DYNC1I1: variants seen among roughly 807,000 people sequenced by gnomAD.
DYNC1I1 encodes cytoplasmic dynein 1 intermediate chain 1.
In DYNC1I1, 43 loss-of-function variants were observed where a neutral mutation model predicts 86.6. The ratio of observed to expected loss-of-function variants is 0.50; its 90% CI spans 0.39 to 0.64. DYNC1I1 has a LOEUF of 0.64. Among genes scored for constraint, DYNC1I1 ranks in the 30% least tolerant of loss-of-function variants. The pLI is 0.00. For missense variants in DYNC1I1, 604 were observed against 788.8 expected (o/e 0.77, Z 2.81); for synonymous variants, 262 against 283.7 (o/e 0.92, Z 0.77).
At chr7:96,088,343 A>G (rs1377817327) in intron 16 of DYNC1I1, among the ~76,000 whole-genome samples, 1 of 152,184 alleles carries the variant, frequency 6.6e-6, no homozygotes, top group Non-Finnish European at 1.5e-5. Flanking sequence ...AATGAAGTTC[A>G]TATATTCTCA....
At chr7:96,028,464 G>C (rs1794734423) in intron 11 of DYNC1I1, 143 bp downstream of exon 11, 2 of 1,172,738 alleles carry the variant, frequency 1.7e-6, no homozygotes, top group African/African-American at 3.1e-5. Flanking sequence ...CCAGCTAAAA[G>C]TTGAGTGAAA....
rs148041080 is a variant in DYNC1I1, at chr7:96,031,960, G to A, written c.1117-707G>A. 1.0e-3 allele frequency among the ~76,000 whole-genome samples: 156 copies of A among 152,270 alleles called. 2 individuals carry two copies. Among genetic ancestry groups the A allele is most frequent in the African/African-American group, 3.4e-3 (142 of 41,570 alleles). ...ATGACAGAGGGTTACAACATCTTGT[G>A]TATGGTTCCTGGGATGTATAAATGA... is the stretch of plus-strand genomic sequence containing the variant. On this transcript the variant is annotated intron_variant, in intron 11 of 16. Transcript: ENST00000447467.
intron 10 of DYNC1I1, among the ~76,000 whole-genome samples, chr7:96,017,727 A>G (rs1794437543): frequency 1.3e-5 from 2 of 152,166 alleles, no homozygotes; most frequent in African/African-American, 4.8e-5. Context: ...ACTTTTCATA[A>G]TAATAAATAA....
At chr7:95,928,639 A>G (rs1410355572) in intron 6 of DYNC1I1, among the ~76,000 whole-genome samples, 1 of 152,146 alleles carries the variant, frequency 6.6e-6, no homozygotes, top group East Asian at 1.9e-4. Flanking sequence ...CTTCAGTGTT[A>G]GTGCCGCCAG....
chr7:95,945,194 G>T (rs1462079599), intron 6 of DYNC1I1, among the ~76,000 whole-genome samples: 1 of 151,898 alleles, frequency 6.6e-6, no homozygotes, highest in Non-Finnish European at 1.5e-5. Context: ...AAAATAAATT[G>T]TATGTATTTG....
chr7:96,014,781 T>G (rs978645719), intron 10 of DYNC1I1, among the ~76,000 whole-genome samples: 1 of 152,206 alleles, frequency 6.6e-6, no homozygotes, highest in Admixed American at 6.5e-5. Flanking sequence ...AGACAATTCA[T>G]TATAATTTAT....
chr7:95,926,213 T>C (rs1428550386), intron 6 of DYNC1I1, among the ~76,000 whole-genome samples: 2 of 152,202 alleles, frequency 1.3e-5, no homozygotes, highest in East Asian at 3.8e-4. Context: ...ACAGGAAAGA[T>C]TTAACTAGAC....
intron 7 of DYNC1I1, among the ~76,000 whole-genome samples, chr7:95,978,853 C>T (rs1793379215): frequency 6.6e-6 from 1 of 151,918 alleles, no homozygotes; most frequent in Admixed American, 6.6e-5. Flanking sequence ...TGCAGTGCAG[C>T]GACGTGATCT....
intron 5 of DYNC1I1, among the ~76,000 whole-genome samples, chr7:95,846,726 T>G (rs56181305): frequency 0.073 from 10,762 of 146,792 alleles, 470 homozygotes; most frequent in Non-Finnish European, 0.098. Flanking sequence ...TGCTCACCAT[T>G]CCTCCATGTG....
Position 95,929,745 on chromosome 7 carries a change from A to G in DYNC1I1, c.491-47767A>G, listed in dbSNP as rs536240744. ...AGTTATGCCCCTTATTAAATTTTCT[A>G]CAAATGTCATCATATGGTACATATG... On this transcript the variant is annotated intron_variant, in intron 6 of 16. Coordinates refer to ENST00000447467, the MANE Select transcript of DYNC1I1 (RefSeq NM_001135556.2). Among the ~76,000 whole-genome samples, 262 of 152,360 alleles carry G rather than the reference A, an allele frequency of 1.7e-3. 1 individual carries two copies. The highest frequency in any genetic ancestry group is 5.6e-3 in the African/African-American group (233 of 41,596).
At chr7:96,060,809 TA>T (rs370560035) in intron 14 of DYNC1I1, among the ~76,000 whole-genome samples, 83 of 142,638 alleles carry the variant, frequency 5.8e-4, no homozygotes, top group East Asian at 1.0e-3. Flanking sequence ...AAATAAAGTC[TA>T]AAAAAAAAAA....
At chr7:95,903,815 A>G (rs937644948) in intron 6 of DYNC1I1, among the ~76,000 whole-genome samples, 4 of 152,186 alleles carry the variant, frequency 2.6e-5, no homozygotes, top group East Asian at 1.9e-4. Context: ...AATAATTAGT[A>G]GAAGCAGAAT....
intron 5 of DYNC1I1, among the ~76,000 whole-genome samples, chr7:95,837,306 G>C (rs571063562): frequency 0.033 from 4,987 of 151,992 alleles, 215 homozygotes; most frequent in African/African-American, 0.11. Context: ...GGACCCACTT[G>C]AGGAGGCAGT....
intron 10 of DYNC1I1, among the ~76,000 whole-genome samples, chr7:96,009,533 T>C (rs1235788949): frequency 1.3e-5 from 2 of 152,176 alleles, no homozygotes; most frequent in South Asian, 2.1e-4. Flanking sequence ...CCCCAAAGTG[T>C]GTATTCTTTG....
intron 5 of DYNC1I1, among the ~76,000 whole-genome samples, chr7:95,833,987 G>A (rs1044870397): frequency 4.5e-5 from 4 of 87,924 alleles, no homozygotes; most frequent in African/African-American, 1.2e-4. Flanking sequence ...AATTGCCCTG[G>A]CCAGAACTTC....
intron 5 of DYNC1I1, among the ~76,000 whole-genome samples, chr7:95,866,280 C>T (rs973374681): frequency 1.3e-5 from 2 of 152,132 alleles, no homozygotes; most frequent in South Asian, 2.1e-4. Context: ...CTAAACCAGG[C>T]TACTTCTCAA....
At chr7:95,924,726 T>C (rs1404817651) in intron 6 of DYNC1I1, among the ~76,000 whole-genome samples, 1 of 152,140 alleles carries the variant, frequency 6.6e-6, no homozygotes, top group African/African-American at 2.4e-5. Context: ...AAAACAAAGA[T>C]GTGGAAAGCT....
intron 6 of DYNC1I1, among the ~76,000 whole-genome samples, chr7:95,872,691 G>A (rs1790204180): frequency 6.6e-6 from 1 of 152,176 alleles, no homozygotes; most frequent in Admixed American, 6.5e-5. Flanking sequence ...CTTTCAACAA[G>A]GTTAGACCTT....
intron 6 of DYNC1I1, among the ~76,000 whole-genome samples, chr7:95,893,055 T>C (rs1202704394): frequency 6.6e-6 from 1 of 152,222 alleles, no homozygotes; most frequent in Non-Finnish European, 1.5e-5. Flanking sequence ...TTAATAAGTC[T>C]TTATATATTT....
Sources: gnomAD v4.1 joint callset for allele counts (sites outside exome capture counted in the v4.1 genomes callset) on GRCh38, gnomAD v4.1.1 for gene constraint, MANE v1.5 for transcripts, NCBI Gene and HGNC (gene_info 2026-07-23, HGNC 2026-07-21) for gene names.